Variants in CLIC5 observed in about 807,000 individuals in gnomAD.
The protein encoded by CLIC5 is chloride intracellular channel protein 5.
In CLIC5, 20 loss-of-function variants were observed where a neutral mutation model predicts 24.7. The ratio of observed to expected loss-of-function variants is 0.81; its 90% CI spans 0.57 to 1.18. CLIC5 has a LOEUF of 1.18. Ranked by LOEUF, CLIC5 falls within the 50% of genes most tolerant of loss-of-function variation. CLIC5 has a pLI of 0.00. For synonymous variants in CLIC5, 159 were observed against 135.6 expected (o/e 1.17, Z -1.20); for missense variants, 341 against 326.1 (o/e 1.05, Z -0.35).
chr6:46,071,419 A>G (rs191200433), intron 1 of CLIC5, among the ~76,000 whole-genome samples: 2 of 152,306 alleles, frequency 1.3e-5, no homozygotes, highest in Admixed American at 6.5e-5. Flanking sequence ...CCCATTAAAA[A>G]GTGGGCAAAG....
intron 3 of CLIC5, among the ~76,000 whole-genome samples, chr6:45,947,150 G>T (rs975639913): frequency 4.6e-5 from 7 of 152,240 alleles, no homozygotes; most frequent in African/African-American, 1.2e-4. Flanking sequence ...GCCTCTGGAA[G>T]AATGTTCAAG....
intron 1 of CLIC5, among the ~76,000 whole-genome samples, chr6:45,959,813 A>G (rs1229366080): frequency 6.6e-6 from 1 of 152,192 alleles, no homozygotes; most frequent in African/African-American, 2.4e-5. Flanking sequence ...GCTTATGTGC[A>G]TTTCCCATTT....
chr6:46,127,955 G>C, the CLIC5 span, among the ~76,000 whole-genome samples: 1 of 152,180 alleles, frequency 6.6e-6, no homozygotes, highest in African/African-American at 2.4e-5. Flanking sequence ...AGTCTACTCT[G>C]TTAAAAGCCA....
chr6:45,913,254 G>A (rs948269778), intron 5 of CLIC5, among the ~76,000 whole-genome samples: 3 of 152,122 alleles, frequency 2.0e-5, no homozygotes, highest in Admixed American at 1.3e-4. Context: ...ATAAGCATGC[G>A]TAAAATAGAG....
chr6:45,884,748 T>C (rs1259951960), intron 6 of CLIC5, among the ~76,000 whole-genome samples: 1 of 152,068 alleles, frequency 6.6e-6, no homozygotes, highest in Non-Finnish European at 1.5e-5. Context: ...TACGTGTGGA[T>C]ACCGATGCCC....
At chr6:46,128,218 G>T in the CLIC5 span, among the ~76,000 whole-genome samples, 6 of 152,262 alleles carry the variant, frequency 3.9e-5, no homozygotes, top group Admixed American at 2.0e-4. Context: ...AGCCCAGGTG[G>T]CATGAGACTC....
chr6:45,987,934 GC>G lies in CLIC5; in HGVS notation c.63+27545del, dbSNP rs1581830288. The stretch of plus-strand genomic sequence containing the variant: ...TTTAGTCAACTGCATTCTGTCCCTG[GC>G]CCCCCAAAGTTCATGGCCTTCTCAC... On this transcript the variant is annotated intron_variant, in intron 1 of 5. Transcript: ENST00000339561. 2.6e-5 allele frequency among the ~76,000 whole-genome samples: 4 copies of G among 152,180 alleles called. No individual in the cohort carries two copies. In the East Asian group the frequency reaches 5.8e-4, roughly 22 times the overall value.
At chr6:45,919,807 T>C (rs1763181951) in intron 4 of CLIC5, among the ~76,000 whole-genome samples, 1 of 152,154 alleles carries the variant, frequency 6.6e-6, no homozygotes, top group South Asian at 2.1e-4. Context: ...TGTCTTAGAG[T>C]TCCTTTTACA....
intron 4 of CLIC5, among the ~76,000 whole-genome samples, chr6:45,927,028 C>A (rs1473803974): frequency 6.6e-6 from 1 of 152,026 alleles, no homozygotes; most frequent in Non-Finnish European, 1.5e-5. Context: ...AACATGGGGA[C>A]AGATTTAAAA....
chr6:45,881,543 G>C (rs2127279309), intron 6 of CLIC5, among the ~76,000 whole-genome samples: 1 of 152,286 alleles, frequency 6.6e-6, no homozygotes, highest in Non-Finnish European at 1.5e-5. Context: ...TGTACCAATA[G>C]AAGGCTCCAG....
Position 45,968,243 on chromosome 6 carries a change from G to GTATC in CLIC5, c.64-13003_64-13000dup, listed in dbSNP as rs1476956364. Among the ~76,000 whole-genome samples the GTATC allele has an allele frequency of 4.6e-5, 7 of 152,244 alleles. No individual in the cohort carries two copies. The East Asian group carries it at 1.4e-3, about 29-fold the overall frequency. On this transcript the variant is annotated intron_variant, in intron 1 of 5. Transcript: ENST00000339561. ...TTGGCCAGCATGCCTCTCCCCACTT[G>GTATC]TATCTCTCAATGCCAACTCTGAAAG... is the stretch of plus-strand genomic sequence containing the variant.
chr6:45,982,114 G>A (rs1765589218), intron 1 of CLIC5, among the ~76,000 whole-genome samples: 1 of 152,186 alleles, frequency 6.6e-6, no homozygotes. Context: ...GAAATGTGAG[G>A]GAGCTCAGCT....
chr6:45,972,748 A>T (rs1765243369), intron 1 of CLIC5, among the ~76,000 whole-genome samples: 1 of 152,242 alleles, frequency 6.6e-6, no homozygotes, highest in East Asian at 1.9e-4. Flanking sequence ...AACCTTTGCA[A>T]GATAAAGGCC....
At chr6:45,972,334 G>T (rs1423469081) in intron 1 of CLIC5, among the ~76,000 whole-genome samples, 2 of 152,172 alleles carry the variant, frequency 1.3e-5, no homozygotes, top group Non-Finnish European at 2.9e-5. Context: ...GATCAAAGGT[G>T]CTCTGAAAGG....
chr6:45,934,094 G>T (rs1007382869), intron 4 of CLIC5: 5 of 152,278 alleles, frequency 3.3e-5, no homozygotes, highest in Admixed American at 2.0e-4. Flanking sequence ...TATCTTCTAG[G>T]AGGACCGAGC....
intron 5 of CLIC5, 73 bp downstream of exon 5, chr6:45,914,155 C>T (rs1762924165): frequency 1.5e-6 from 2 of 1,300,206 alleles, no homozygotes; most frequent in African/African-American, 3.0e-5. Context: ...CTGTCCTTGA[C>T]TCATCCACAC....
chr6:45,923,439 C>A (rs1459733231), intron 4 of CLIC5, among the ~76,000 whole-genome samples: 1 of 152,248 alleles, frequency 6.6e-6, no homozygotes, highest in Non-Finnish European at 1.5e-5. Context: ...ACATCTTTTA[C>A]ATAAGAGCCA....
chr6:46,061,173 G>T (rs1184549506), intron 1 of CLIC5, among the ~76,000 whole-genome samples: 1 of 151,576 alleles, frequency 6.6e-6, no homozygotes, highest in Non-Finnish European at 1.5e-5. Flanking sequence ...ATAGATTTTT[G>T]TTTTTGTTTT....
chr6:45,972,686 A>G (rs766306179), intron 1 of CLIC5, among the ~76,000 whole-genome samples: 3 of 152,218 alleles, frequency 2.0e-5, no homozygotes, highest in Non-Finnish European at 4.4e-5. Flanking sequence ...CATTTTCAGT[A>G]AGACCTCTAA....
Sources: gnomAD v4.1 joint callset for allele counts (sites outside exome capture counted in the v4.1 genomes callset) on GRCh38, gnomAD v4.1.1 for gene constraint, MANE v1.5 for transcripts, NCBI Gene and HGNC (gene_info 2026-07-23, HGNC 2026-07-21) for gene names.